Variants in ANO3 observed in about 807,000 individuals in gnomAD.
ANO3 encodes the protein anoctamin 3.
Under a neutral mutation model 144.8 loss-of-function variants are expected in ANO3, and 99 were observed. That is an observed-to-expected ratio of 0.68 (90% confidence interval 0.58 to 0.81). ANO3 has a LOEUF of 0.81. Among genes scored for constraint, ANO3 ranks in the 30% least tolerant of loss-of-function variants. The probability of loss-of-function intolerance (pLI) is 0.00; values close to 1 mark genes in which losing one functional copy is unlikely to be tolerated. For synonymous variants in ANO3, 414 were observed against 392.6 expected (o/e 1.05, Z -0.64); for missense variants, 905 against 1,202.2 (o/e 0.75, Z 3.66).
chr11:26,521,557 A>T (rs1225581355), intron 6 of ANO3, among the ~76,000 whole-genome samples: 4 of 152,144 alleles, frequency 2.6e-5, no homozygotes, highest in Non-Finnish European at 5.9e-5. Context: ...TATGACCTAC[A>T]TGTTGGACTT....
At chr11:26,530,869 G>GA (rs748412355) in intron 7 of ANO3, among the ~76,000 whole-genome samples, 7 of 151,244 alleles carry the variant, frequency 4.6e-5, no homozygotes, top group African/African-American at 9.7e-5. Flanking sequence ...CTGTCTCAAA[G>GA]AAAAAAAACA....
At chr11:26,425,294 A>G (rs11029553) in intron 1 of ANO3, among the ~76,000 whole-genome samples, 17,413 of 152,106 alleles carry the variant, frequency 0.11, 1,859 homozygotes, top group African/African-American at 0.29. Context: ...CTGTTCAACC[A>G]TGTCTTATTT....
intron 4 of ANO3, among the ~76,000 whole-genome samples, chr11:26,476,341 A>G (rs138084243): frequency 2.0e-4 from 30 of 152,208 alleles, no homozygotes; most frequent in South Asian, 4.1e-4. Flanking sequence ...GAAGGTATTA[A>G]GAGCAAGAAA....
At chr11:26,631,104 A>G (rs1267925864) in intron 18 of ANO3, among the ~76,000 whole-genome samples, 1 of 151,990 alleles carries the variant, frequency 6.6e-6, no homozygotes, top group Non-Finnish European at 1.5e-5. Context: ...TTAACTTGTC[A>G]ACTGAAAATT....
At chr11:26,406,905 C>CAT (rs1458396097) in intron 1 of ANO3, among the ~76,000 whole-genome samples, 2 of 148,448 alleles carry the variant, frequency 1.3e-5, no homozygotes, top group East Asian at 2.0e-4. Context: ...CTGAAATATA[C>CAT]ATATATATAC....
At chr11:26,337,220 G>A (rs1349605268) in intron 1 of ANO3, among the ~76,000 whole-genome samples, 2 of 152,180 alleles carry the variant, frequency 1.3e-5, no homozygotes, top group African/African-American at 4.8e-5. Flanking sequence ...ACCTCAGATG[G>A]CTCAGAGGAA....
At chr11:26,464,394 G>A (rs1425512052) in intron 4 of ANO3, among the ~76,000 whole-genome samples, 1 of 151,770 alleles carries the variant, frequency 6.6e-6, no homozygotes, top group Non-Finnish European at 1.5e-5. Context: ...CTGAGAGGAG[G>A]AGTTATAAGA....
At position 26,407,068 on chromosome 11, in the gene ANO3, G is replaced by GTATATATATATATA. The variant is rs760132418; in HGVS notation, c.47-34849_47-34848insATATATATATATAT. Among the ~76,000 whole-genome samples, 948 of 96,190 alleles carry GTATATATATATATA rather than the reference G, an allele frequency of 9.9e-3. 15 individuals carry two copies. The highest frequency in any genetic ancestry group is 0.016 in the Non-Finnish European group (695 of 44,546). The allele number at this position is 96,190 out of a possible 152,430, so 63.1% of individuals were successfully genotyped here. A position where few individuals can be genotyped will look rare whatever the true frequency, so the allele number is the denominator to read the frequency against. On this transcript the variant is annotated intron_variant, in intron 1 of 26. Coordinates refer to ENST00000256737, the MANE Select transcript of ANO3 (RefSeq NM_031418.4). ...TATGGGTGTGTGTGTGTGTGTGTGT[G>GTATATATATATATA]TGTGTGTGTATATATATATATATAT...
At chr11:26,292,248 T>A (rs1853976443) in intron 1 of ANO3, among the ~76,000 whole-genome samples, 1 of 152,190 alleles carries the variant, frequency 6.6e-6, no homozygotes, top group African/African-American at 2.4e-5. Flanking sequence ...GTGACATGGT[T>A]TTCAGCTCCA....
At chr11:26,534,596 G>T (rs777465738) in intron 9 of ANO3, 34 bp downstream of exon 9, 1 of 1,439,008 alleles carries the variant, frequency 6.9e-7, no homozygotes, top group Non-Finnish European at 9.7e-7. Flanking sequence ...AGTAGAACTT[G>T]CTGTTACTAT....
intron 12 of ANO3, among the ~76,000 whole-genome samples, chr11:26,548,156 A>G (rs1330348185): frequency 6.8e-6 from 1 of 147,854 alleles, no homozygotes; most frequent in East Asian, 2.0e-4. Flanking sequence ...ACAAATATTT[A>G]TAAATTTTAC....
intron 1 of ANO3, among the ~76,000 whole-genome samples, chr11:26,351,249 T>C (rs1356415819): frequency 1.3e-5 from 2 of 152,182 alleles, no homozygotes; most frequent in Admixed American, 1.3e-4. Context: ...TATTTTTTTC[T>C]TCAACAGTTT....
intron 18 of ANO3, among the ~76,000 whole-genome samples, chr11:26,625,842 G>A (rs1243135450): frequency 6.6e-6 from 1 of 152,098 alleles, no homozygotes; most frequent in South Asian, 2.1e-4. Flanking sequence ...TCTAGAATTT[G>A]GATACTACTT....
At chr11:26,596,887 C>G (rs1453865958) in intron 14 of ANO3, among the ~76,000 whole-genome samples, 1 of 152,188 alleles carries the variant, frequency 6.6e-6, no homozygotes, top group Non-Finnish European at 1.5e-5. Context: ...CTAGCCGACC[C>G]TCGGCTTCCC....
rs1034281807 is a variant in ANO3, at chr11:26,484,786, C to T, written c.432+21638C>T. On this transcript the variant is annotated intron_variant, in intron 4 of 26. Transcript: ENST00000256737. Reference sequence around the variant, plus strand: ...ACAAGGTTTGTACCCTGCAGAGCCACTGGGGCACATATGCCCAAGGTCTTG... The same window carrying T: ...ACAAGGTTTGTACCCTGCAGAGCCATTGGGGCACATATGCCCAAGGTCTTG... 7.2e-5 allele frequency among the ~76,000 whole-genome samples: 11 copies of T among 152,190 alleles called. No homozygotes were observed. The East Asian group carries it at 1.9e-3, about 27-fold the overall frequency.
intron 1 of ANO3, among the ~76,000 whole-genome samples, chr11:26,383,144 C>G (rs1286286194): frequency 6.6e-6 from 1 of 151,998 alleles, no homozygotes; most frequent in Admixed American, 6.6e-5. Context: ...TTTTAGTGAT[C>G]AAATGAGGTA....
At chr11:26,487,879 C>T (rs534322039) in intron 4 of ANO3, among the ~76,000 whole-genome samples, 1 of 152,252 alleles carries the variant, frequency 6.6e-6, no homozygotes, top group South Asian at 2.1e-4. Context: ...AAAAGCATCA[C>T]ATTTTAGGCC....
chr11:26,322,881 T>C (rs1854795153), intron 1 of ANO3, among the ~76,000 whole-genome samples: 1 of 152,148 alleles, frequency 6.6e-6, no homozygotes, highest in African/African-American at 2.4e-5. Context: ...TTACGTCATT[T>C]ATTTGGAATT....
chr11:26,563,425 G>T (rs867882905), intron 14 of ANO3, among the ~76,000 whole-genome samples: 2 of 124,750 alleles, frequency 1.6e-5, no homozygotes, highest in South Asian at 5.2e-4. Flanking sequence ...GTGTGTGTGT[G>T]TGTGTGTCTT....
Sources: gnomAD v4.1 joint callset for allele counts (sites outside exome capture counted in the v4.1 genomes callset) on GRCh38, gnomAD v4.1.1 for gene constraint, MANE v1.5 for transcripts, NCBI Gene and HGNC (gene_info 2026-07-23, HGNC 2026-07-21) for gene names.